The following NEIL3 variants were observed in gnomAD, a reference collection of about 807,000 sequenced individuals.
NEIL3 encodes the protein endonuclease 8-like 3.
In NEIL3, 48 loss-of-function variants were observed where a neutral mutation model predicts 57.5. That is an observed-to-expected ratio of 0.83 (90% CI 0.66 to 1.06). The LOEUF (loss-of-function observed/expected upper bound fraction) is 1.06, where lower values mean the gene tolerates loss of function less well. Among genes scored for constraint, NEIL3 ranks in the 50% least tolerant of loss-of-function variants. The pLI is 0.00. For synonymous variants in NEIL3, 261 were observed against 253.2 expected (o/e 1.03, Z -0.29); for missense variants, 717 against 739.1 (o/e 0.97, Z 0.35).
At chr4:177,362,237 A>C in intron 9 of NEIL3, 52 bp from the exon 10 acceptor site, 3 of 1,408,174 alleles carry the variant, frequency 2.1e-6, no homozygotes, top group South Asian at 1.3e-5. Flanking sequence ...GTTAGCCTGT[A>C]CATCATGATA....
intron 2 of NEIL3, among the ~76,000 whole-genome samples, chr4:177,332,471 C>A (rs561875072): frequency 6.6e-6 from 1 of 152,240 alleles, no homozygotes; most frequent in African/African-American, 2.4e-5. Flanking sequence ...CTGTTCCTCC[C>A]TCAAGGACAG....
intron 1 of NEIL3, among the ~76,000 whole-genome samples, chr4:177,310,760 A>T (rs1176045044): frequency 6.6e-6 from 1 of 152,220 alleles, no homozygotes; most frequent in Non-Finnish European, 1.5e-5. Flanking sequence ...CAGAACTTGT[A>T]CTAAAAATAT....
At chr4:177,359,878 G>A (rs983483584) in intron 8 of NEIL3, among the ~76,000 whole-genome samples, 3 of 152,316 alleles carry the variant, frequency 2.0e-5, no homozygotes, top group African/African-American at 7.2e-5. Context: ...TAATTATGGG[G>A]GAGAATAAAG....
chr4:177,323,794 G>C (rs1329184880), intron 2 of NEIL3, among the ~76,000 whole-genome samples: 1 of 152,096 alleles, frequency 6.6e-6, no homozygotes, highest in Non-Finnish European at 1.5e-5. Flanking sequence ...AGATGAGAGG[G>C]GGTTTTTATC....
intron 2 of NEIL3, among the ~76,000 whole-genome samples, chr4:177,326,114 C>T (rs1232200615): frequency 6.6e-6 from 1 of 151,982 alleles, no homozygotes; most frequent in Non-Finnish European, 1.5e-5. Flanking sequence ...GTCTAAGAAA[C>T]ATCTGCCTAA....
At chr4:177,334,537 G>C (rs1315169783) in intron 2 of NEIL3, among the ~76,000 whole-genome samples, 3 of 152,106 alleles carry the variant, frequency 2.0e-5, no homozygotes, top group African/African-American at 7.2e-5. Context: ...AAAGATTTTA[G>C]ATATGATGGC....
chr4:177,327,482 A>G (rs1734804331), intron 2 of NEIL3, among the ~76,000 whole-genome samples: 3 of 152,190 alleles, frequency 2.0e-5, no homozygotes, highest in Admixed American at 2.0e-4. Flanking sequence ...TTTGTTACAT[A>G]GGTGTACATG....
chr4:177,311,336 A>C (rs1734471838), intron 1 of NEIL3, among the ~76,000 whole-genome samples: 1 of 152,140 alleles, frequency 6.6e-6, no homozygotes, highest in Admixed American at 6.5e-5. Context: ...CGATTCTTTA[A>C]GGACTTGTAG....
intron 8 of NEIL3, among the ~76,000 whole-genome samples, chr4:177,356,258 TTAATG>T (rs1315708350): frequency 6.6e-6 from 1 of 152,228 alleles, no homozygotes; most frequent in Non-Finnish European, 1.5e-5. Context: ...TAAAAAAACA[TTAATG>T]TAACCTTAAA....
At position 177,358,587 on chromosome 4, in the gene NEIL3, G is replaced by A. The variant is rs28547351; in HGVS notation, c.1461-1916G>A. Among the ~76,000 whole-genome samples the A allele has an allele frequency of 9.8e-3, 1,495 of 152,256 alleles. 31 individuals carry two copies. The highest frequency in any genetic ancestry group is 0.034 in the African/African-American group (1,421 of 41,548). On this transcript the variant is annotated intron_variant, in intron 8 of 9. Transcript: ENST00000264596. ...CTCCCAAAGTGCTGGGATTACAGGC[G>A]TGAGCCACCATGCCCAGCCTGTGGC... is the stretch of plus-strand genomic sequence containing the variant.
At chr4:177,333,294 G>A (rs1734915348) in intron 2 of NEIL3, among the ~76,000 whole-genome samples, 2 of 152,148 alleles carry the variant, frequency 1.3e-5, no homozygotes, top group Admixed American at 6.5e-5. Context: ...ATAGCTTGGA[G>A]AATACGGCTG....
chr4:177,316,094 G>A (rs910663204), intron 1 of NEIL3, among the ~76,000 whole-genome samples: 2 of 152,126 alleles, frequency 1.3e-5, no homozygotes, highest in Non-Finnish European at 2.9e-5. Context: ...ATTAGGTACA[G>A]TAGGAGATTA....
chr4:177,334,894 A>T (rs1238027331), intron 2 of NEIL3, among the ~76,000 whole-genome samples: 1 of 152,214 alleles, frequency 6.6e-6, no homozygotes, highest in Admixed American at 6.5e-5. Context: ...TCATCATCAG[A>T]GGTCTTACAG....
intron 2 of NEIL3, 83 bp from the exon 3 acceptor site, chr4:177,335,605 C>T (rs1734958269): frequency 8.2e-7 from 1 of 1,213,748 alleles, no homozygotes; most frequent in African/African-American, 1.6e-5. Flanking sequence ...GCTTATAATC[C>T]AAAAAAAAAA....
chr4:177,323,601 G>A (rs1734728294), intron 2 of NEIL3, among the ~76,000 whole-genome samples: 1 of 152,140 alleles, frequency 6.6e-6, no homozygotes, highest in African/African-American at 2.4e-5. Flanking sequence ...GATAACATCA[G>A]CATATGCCTA....
chr4:177,335,568 A>C (rs1734957009), intron 2 of NEIL3, 120 bp from the exon 3 acceptor site: 3 of 766,586 alleles, frequency 3.9e-6, no homozygotes, highest in Non-Finnish European at 6.3e-6. Flanking sequence ...GCCCTTTAAA[A>C]GTGTCTATCC....
At chr4:177,336,915 C>T (rs1734989235) in intron 4 of NEIL3, among the ~76,000 whole-genome samples, 1 of 152,014 alleles carries the variant, frequency 6.6e-6, no homozygotes, top group Non-Finnish European at 1.5e-5. Flanking sequence ...CAGCAGGGAC[C>T]AAGGAATAAG....
intron 6 of NEIL3, among the ~76,000 whole-genome samples, chr4:177,346,484 A>G (rs1735223824): frequency 6.6e-6 from 1 of 152,102 alleles, no homozygotes; most frequent in Non-Finnish European, 1.5e-5. Context: ...GTTGAATTTA[A>G]TTCTCTCCAT....
intron 6 of NEIL3, among the ~76,000 whole-genome samples, chr4:177,344,478 A>C (rs1429329184): frequency 6.6e-6 from 1 of 152,154 alleles, no homozygotes; most frequent in Non-Finnish European, 1.5e-5. Flanking sequence ...TACTGAACTC[A>C]TGAAGTCCTC....
Sources: allele counts gnomAD v4.1 joint callset (sites outside exome capture counted in the v4.1 genomes callset), GRCh38; gene constraint gnomAD v4.1.1; transcripts MANE v1.5; gene names NCBI Gene and HGNC (gene_info 2026-07-23, HGNC 2026-07-21).